TMEM132D: variants seen among roughly 807,000 people sequenced by gnomAD.
TMEM132D encodes mature OL transmembrane protein.
In TMEM132D, 21 loss-of-function variants were observed where a neutral mutation model predicts 62.3. The observed-to-expected ratio is 0.34, with a 90% confidence interval of 0.24 to 0.49. The LOEUF (loss-of-function observed/expected upper bound fraction) is 0.49, where lower values mean the gene tolerates loss of function less well. Among genes scored for constraint, TMEM132D ranks in the 20% least tolerant of loss-of-function variants. TMEM132D has a pLI of 0.99. For synonymous variants in TMEM132D, 621 were observed against 575.6 expected, an observed-to-expected ratio of 1.08 and a Z score of -1.13; for missense variants, 1,346 against 1,402.8, an observed-to-expected ratio of 0.96 and a Z score of 0.65.
At chr12:129,224,115 C>A (rs375446624) in intron 4 of TMEM132D, among the ~76,000 whole-genome samples, 2 of 152,164 alleles carry the variant, frequency 1.3e-5, no homozygotes, top group African/African-American at 4.8e-5. Flanking sequence ...AGAACCACTG[C>A]GGTGGGGCGA....
chr12:129,288,373 T>C (rs1434430642), intron 4 of TMEM132D, among the ~76,000 whole-genome samples: 2 of 152,182 alleles, frequency 1.3e-5, no homozygotes, highest in Non-Finnish European at 2.9e-5. Flanking sequence ...GGTAAACTCA[T>C]ACAGCTCAAT....
rs1160257949 is a variant in TMEM132D at position 129,827,587 on chromosome 12, T to C, written c.79+75674A>G. ...GTTGCTGGAACCCACGTTCTGAGCC[T>C]GCGGTGTTTCCTGCTGTGGCAGTTC... On this transcript the variant is annotated intron_variant, in intron 1 of 8. Coordinates refer to ENST00000422113, the MANE Select transcript of TMEM132D (RefSeq NM_133448.3). The surrounding 1 kb of genome is among the most constrained non-coding windows in gnomAD (Gnocchi z 9.7). Among the ~76,000 whole-genome samples, 1 of 152,232 alleles carries C rather than the reference T, an allele frequency of 6.6e-6. No homozygotes were observed. The highest frequency in any genetic ancestry group is 2.4e-5 in the African/African-American group (1 of 41,458).
rs184778184 is a variant in TMEM132D at position 129,859,020 on chromosome 12, T to C, written c.79+44241A>G. 5.2e-5 allele frequency among the ~76,000 whole-genome samples: 7 copies of C among 134,830 alleles called. No homozygotes were observed. In the East Asian group the frequency reaches 1.6e-3, roughly 31 times the overall value. 88.5% of individuals were successfully genotyped at this position (134,830 alleles called of 152,430 possible). ...CGGGGGAACGGGATGGGTGCCCTAGTAACGGAGTCCGGGGGAACGGGATGG... is the reference window on the plus strand; with the variant it reads ...CGGGGGAACGGGATGGGTGCCCTAGCAACGGAGTCCGGGGGAACGGGATGG... On this transcript the variant is annotated intron_variant, in intron 1 of 8. Transcript: ENST00000422113.
At chr12:129,318,517 T>C (rs1593335294) in intron 4 of TMEM132D, among the ~76,000 whole-genome samples, 1 of 152,172 alleles carries the variant, frequency 6.6e-6, no homozygotes, top group African/African-American at 2.4e-5. Context: ...CTCTCATCCA[T>C]GGATAACAGT....
intron 4 of TMEM132D, among the ~76,000 whole-genome samples, chr12:129,304,503 C>A (rs972649322): frequency 1.3e-5 from 2 of 152,034 alleles, no homozygotes; most frequent in Non-Finnish European, 2.9e-5. Flanking sequence ...CATGCAAAGT[C>A]CACATCATGG....
At chr12:129,463,473 T>TTTATTTATG (rs1555258190) in intron 3 of TMEM132D, among the ~76,000 whole-genome samples, 11 of 90,390 alleles carry the variant, frequency 1.2e-4, no homozygotes, top group Non-Finnish European at 2.7e-4. Flanking sequence ...TATTTATGTA[T>TTTATTTATG]TATTATTATT....
At chr12:129,826,612 C>T (rs1156441616) in intron 1 of TMEM132D, among the ~76,000 whole-genome samples, 2 of 152,158 alleles carry the variant, frequency 1.3e-5, no homozygotes, top group Non-Finnish European at 2.9e-5. Flanking sequence ...GCTGTGATAA[C>T]GACCCGGTCA....
intron 1 of TMEM132D, among the ~76,000 whole-genome samples, chr12:129,780,161 G>T (rs576023561): frequency 6.6e-6 from 1 of 152,184 alleles, no homozygotes; most frequent in East Asian, 1.9e-4. Context: ...CCGAGCACCG[G>T]TCGCTTTTCT....
intron 1 of TMEM132D, among the ~76,000 whole-genome samples, chr12:129,781,122 A>C (rs1871107182): frequency 6.6e-6 from 1 of 152,184 alleles, no homozygotes; most frequent in South Asian, 2.1e-4. Flanking sequence ...TAAATCTATA[A>C]ACTCCTAAGA....
chr12:129,680,007 T>C (rs1880738839), intron 2 of TMEM132D, among the ~76,000 whole-genome samples: 1 of 152,234 alleles, frequency 6.6e-6, no homozygotes, highest in South Asian at 2.1e-4. Flanking sequence ...CACTTGTCCA[T>C]GCTTTATCTT....
At chr12:129,573,227 C>T (rs573883036) in intron 2 of TMEM132D, among the ~76,000 whole-genome samples, 25 of 152,078 alleles carry the variant, frequency 1.6e-4, no homozygotes, top group African/African-American at 5.8e-4. Flanking sequence ...GGTTGTGGGC[C>T]GGGCTGGGGA....
intron 1 of TMEM132D, among the ~76,000 whole-genome samples, chr12:129,751,544 C>T (rs1870002028): frequency 2.3e-5 from 1 of 44,316 alleles, no homozygotes; most frequent in East Asian, 5.3e-4. Flanking sequence ...CTGCATCCAC[C>T]AGAGTCCCAG....
At chr12:129,179,674 T>C (rs1878010781) in intron 5 of TMEM132D, among the ~76,000 whole-genome samples, 1 of 152,210 alleles carries the variant, frequency 6.6e-6, no homozygotes. Flanking sequence ...ATTTATTTAA[T>C]GAAATGTGAA....
chr12:129,176,011 T>C (rs1486629), intron 5 of TMEM132D, among the ~76,000 whole-genome samples: 49,641 of 152,108 alleles, frequency 0.33, 8,595 homozygotes, highest in East Asian at 0.57. Context: ...AACATATGTG[T>C]GCTCCCTTCC....
chr12:129,513,906 C>A (rs1309612556), intron 3 of TMEM132D, among the ~76,000 whole-genome samples: 13 of 150,864 alleles, frequency 8.6e-5, no homozygotes, highest in African/African-American at 2.0e-4. Flanking sequence ...GGCACGATCT[C>A]GGCTGACTGC....
At chr12:129,362,560 A>T (rs895954314) in intron 3 of TMEM132D, among the ~76,000 whole-genome samples, 1 of 151,966 alleles carries the variant, frequency 6.6e-6, no homozygotes, top group Non-Finnish European at 1.5e-5. Context: ...GGAAATGAAG[A>T]TATATTTTAT....
At chr12:129,353,822 C>A (rs1869950396) in intron 3 of TMEM132D, among the ~76,000 whole-genome samples, 1 of 151,906 alleles carries the variant, frequency 6.6e-6, no homozygotes. Context: ...GAGTAGTGAG[C>A]CCAGCCTCTA....
In TMEM132D at chr12:129,648,798, T is replaced by A. The variant is rs568806741; in HGVS notation, c.968+51012A>T. On this transcript the variant is annotated intron_variant, in intron 2 of 8. Transcript: ENST00000422113. ...TAAATGGGGAATTCAGCAGTAAAAT[T>A]TTCATATGATATGCATTTTCACTCA... Among the ~76,000 whole-genome samples the A allele has an allele frequency of 5.9e-5, 9 of 152,314 alleles. No homozygotes were observed. In the South Asian group the frequency reaches 1.7e-3, roughly 28 times the overall value.
chr12:129,188,668 G>A (rs1160326356), intron 5 of TMEM132D, among the ~76,000 whole-genome samples: 4 of 149,874 alleles, frequency 2.7e-5, no homozygotes, highest in Non-Finnish European at 4.4e-5. Context: ...TATTTGAAGG[G>A]CAAAAGATGA....
Sources: gnomAD v4.1 joint callset for allele counts (sites outside exome capture counted in the v4.1 genomes callset) on GRCh38, gnomAD v4.1.1 for gene constraint, Gnocchi (gnomAD v3.1) non-coding constraint, MANE v1.5 for transcripts, NCBI Gene and HGNC (gene_info 2026-07-23, HGNC 2026-07-21) for gene names.